The following KDM4B variants were observed in gnomAD, a reference collection of about 807,000 sequenced individuals.
KDM4B encodes the protein lysine-specific demethylase 4B.
In KDM4B, 32 loss-of-function variants were observed where a neutral mutation model predicts 125.2. The observed-to-expected ratio is 0.26, with a 90% CI of 0.19 to 0.34. The LOEUF (loss-of-function observed/expected upper bound fraction) is 0.34, where lower values mean the gene tolerates loss of function less well. KDM4B is among the 10% of genes least tolerant of loss of function. The pLI is 1.00. For synonymous variants in KDM4B, 721 were observed against 677.9 expected, an observed-to-expected ratio of 1.06 and a Z score of -0.99; for missense variants, 1,190 against 1,577.7, an observed-to-expected ratio of 0.75 and a Z score of 4.16.
In KDM4B at chr19:5,047,149, T is replaced by G. The variant is rs543364102; in HGVS notation, c.433-327T>G. The G allele has an allele frequency of 2.5e-3, 576 of 232,990 alleles. 1 individual carries two copies. Among genetic ancestry groups the G allele is most frequent in the Middle Eastern group, 9.1e-3 (6 of 662 alleles). The allele number at this position is 232,990 out of a possible 1,614,324, so 14.4% of individuals were successfully genotyped here. On this transcript the variant is annotated intron_variant, in intron 5 of 22. Coordinates refer to ENST00000159111, the MANE Select transcript of KDM4B (RefSeq NM_015015.3). ...TCTCTACACAGAAAAAAGTAAAAAT[T>G]AGCCAGGTGTGGTTTCTCACGCCTA...
intron 1 of KDM4B, among the ~76,000 whole-genome samples, chr19:5,016,047 A>G (rs1315824434): frequency 6.6e-6 from 1 of 152,188 alleles, no homozygotes; most frequent in Non-Finnish European, 1.5e-5. Flanking sequence ...TTAGGAGCTA[A>G]GCTTAAAATG....
chr19:5,137,701 TGGAGGGCC>T (rs1354988878), intron 17 of KDM4B, 25 bp downstream of exon 17: 1 of 1,560,552 alleles, frequency 6.4e-7, no homozygotes, highest in Admixed American at 1.8e-5. Context: ...GCGTTGGGGC[TGGAGGGCC>T]GGAGGGGAGC....
At chr19:4,973,605 T>C (rs981182609) in intron 1 of KDM4B, among the ~76,000 whole-genome samples, 1 of 152,176 alleles carries the variant, frequency 6.6e-6, no homozygotes, top group Non-Finnish European at 1.5e-5. Context: ...AATTGATGTT[T>C]CTTGGTTTTT....
Position 5,131,140 on chromosome 19 carries a change from C to CCTGCTGCCCCCACAG in KDM4B, c.1385_1399dup (p.Leu462_Leu466dup), listed in dbSNP as rs761605420. Reference sequence around the variant, plus strand: ...GCGAGCGGAAGAAGAAGAGCTTCGGCCTGCTGCCCCCACAGCTGCCGCCCC... The same window carrying CCTGCTGCCCCCACAG: ...GCGAGCGGAAGAAGAAGAGCTTCGGCCTGCTGCCCCCACAGCTGCTGCCCCCACAGCTGCCGCCCC... On this transcript the variant is annotated inframe_insertion, in exon 12 of 23. Coordinates refer to ENST00000159111, the MANE Select transcript of KDM4B (RefSeq NM_015015.3). 5.8e-6 allele frequency: 9 copies of CCTGCTGCCCCCACAG among 1,542,482 alleles called. No homozygotes were observed. The highest frequency in any genetic ancestry group is 1.2e-5 in the South Asian group (1 of 80,408).
intron 6 of KDM4B, among the ~76,000 whole-genome samples, chr19:5,058,443 T>C (rs1336626557): frequency 1.3e-5 from 2 of 151,662 alleles, no homozygotes; most frequent in Non-Finnish European, 2.9e-5. Flanking sequence ...GAGGGGAGGA[T>C]GGGTGACCAG....
intron 6 of KDM4B, among the ~76,000 whole-genome samples, chr19:5,068,179 C>T (rs559178843): frequency 2.0e-4 from 31 of 152,004 alleles, no homozygotes; most frequent in Admixed American, 1.2e-3. Context: ...AGGAGGGGGC[C>T]GTGCATTCTT....
intron 1 of KDM4B, among the ~76,000 whole-genome samples, chr19:4,981,058 A>C (rs1599347179): frequency 6.6e-6 from 1 of 152,056 alleles, no homozygotes; most frequent in East Asian, 1.9e-4. Context: ...CACAGGGTCT[A>C]GGCTCCAGGT....
intron 3 of KDM4B, among the ~76,000 whole-genome samples, chr19:5,039,259 C>G (rs538364895): frequency 1.4e-4 from 21 of 152,276 alleles, no homozygotes; most frequent in African/African-American, 4.3e-4. Flanking sequence ...GCCTGTGCAA[C>G]AAAATGAGAC....
Position 5,096,674 on chromosome 19 carries a change from C to T in KDM4B, c.919-13948C>T, listed in dbSNP as rs529225326. Among the ~76,000 whole-genome samples the T allele has an allele frequency of 8.3e-3, 1,248 of 150,994 alleles. 6 individuals are homozygous for T. Among genetic ancestry groups the T allele is most frequent in the Non-Finnish European group, 0.013 (869 of 67,606 alleles). On this transcript the variant is annotated intron_variant, in intron 9 of 22. Transcript: ENST00000159111. ...CCTGCCTGGTGGAGGAAGTGTCCCG[C>T]GGTGCCCCCGGCGGTGTCGGTGGCG...
intron 12 of KDM4B, 110 bp from the exon 13 acceptor site, chr19:5,131,777 C>A: frequency 1.4e-6 from 2 of 1,394,044 alleles, no homozygotes; most frequent in South Asian, 1.2e-5. Context: ...ACAGTCACCC[C>A]AGGAGAGGAG....
chr19:5,125,356 G>T (rs1369026124), intron 11 of KDM4B, among the ~76,000 whole-genome samples: 2 of 152,156 alleles, frequency 1.3e-5, no homozygotes, highest in Admixed American at 6.5e-5. Flanking sequence ...GGGGGTCCTG[G>T]TTCTCCTCTG....
intron 2 of KDM4B, among the ~76,000 whole-genome samples, chr19:5,022,870 G>T (rs1174110781): frequency 2.7e-5 from 4 of 150,868 alleles, no homozygotes; most frequent in African/African-American, 9.7e-5. Flanking sequence ...TTTTTTTTTT[G>T]AAGTTTTAAT....
chr19:5,021,478 C>T (rs556255282), intron 2 of KDM4B, among the ~76,000 whole-genome samples: 4 of 151,822 alleles, frequency 2.6e-5, no homozygotes, highest in Non-Finnish European at 5.9e-5. Flanking sequence ...ACCTGTGGGG[C>T]GGGAGGATGG....
chr19:5,069,843 G>A (rs1346211903), intron 6 of KDM4B, among the ~76,000 whole-genome samples: 2 of 152,066 alleles, frequency 1.3e-5, no homozygotes, highest in African/African-American at 4.8e-5. Flanking sequence ...CTGACCTCAG[G>A]TGATCTGCCC....
chr19:5,130,525 A>G (rs2039523329), intron 11 of KDM4B, among the ~76,000 whole-genome samples: 1 of 152,160 alleles, frequency 6.6e-6, no homozygotes, highest in Non-Finnish European at 1.5e-5. Flanking sequence ...CGCTCATGTG[A>G]CCGCCAGGTT....
At chr19:5,020,514 C>T (rs542338194) in intron 2 of KDM4B, among the ~76,000 whole-genome samples, 10 of 152,294 alleles carry the variant, frequency 6.6e-5, no homozygotes, top group African/African-American at 1.9e-4. Context: ...TGCATGAGGG[C>T]TGCCTCTGGT....
At chr19:5,133,630 C>T (rs2039596750) in intron 13 of KDM4B, among the ~76,000 whole-genome samples, 1 of 152,208 alleles carries the variant, frequency 6.6e-6, no homozygotes. Flanking sequence ...GGGCTCTGGC[C>T]TCAGGTGGCA....
intron 7 of KDM4B, 124 bp from the exon 8 acceptor site, chr19:5,077,243 G>A: frequency 1.3e-6 from 1 of 782,420 alleles, no homozygotes; most frequent in Admixed American, 2.1e-5. Flanking sequence ...TCTGGGCCGT[G>A]CTCTGTGCTC....
At position 5,039,822 on chromosome 19, in the gene KDM4B, T is replaced by C; in HGVS notation, c.142-14T>C. 1 of 1,609,910 alleles carries C rather than the reference T, an allele frequency of 6.2e-7. No homozygotes were observed. Among genetic ancestry groups the C allele is most frequent in the Non-Finnish European group, 8.5e-7 (1 of 1,177,928 alleles). On this transcript the variant is annotated splice_polypyrimidine_tract_variant and intron_variant, in intron 3 of 22. Coordinates refer to ENST00000159111, the MANE Select transcript of KDM4B (RefSeq NM_015015.3). ...GGTCTGAGGGTGCCACTGACTCCCATCTTGGTCTTGCAGATCATCCCCCCG... is the reference window on the plus strand; with the variant it reads ...GGTCTGAGGGTGCCACTGACTCCCACCTTGGTCTTGCAGATCATCCCCCCG...
Sources: allele counts gnomAD v4.1 joint callset (sites outside exome capture counted in the v4.1 genomes callset), GRCh38; gene constraint gnomAD v4.1.1; transcripts MANE v1.5; gene names NCBI Gene and HGNC (gene_info 2026-07-23, HGNC 2026-07-21).